The following DLG2 variants were observed in gnomAD, a reference collection of about 807,000 sequenced individuals.
DLG2 encodes discs large MAGUK scaffold protein 2, also known as disks large homolog 2.
DLG2 carries 45 observed loss-of-function variants against 132.5 expected under a neutral mutation model. The observed-to-expected ratio is 0.34, with a 90% CI of 0.27 to 0.44. The LOEUF (loss-of-function observed/expected upper bound fraction) is 0.44. Among genes scored for constraint, DLG2 ranks in the 20% least tolerant of loss-of-function variants. The pLI is 1.00. For synonymous variants in DLG2, 424 were observed against 419.6 expected (o/e 1.01, Z -0.13); for missense variants, 1,045 against 1,196.9 (o/e 0.87, Z 1.87).
intron 3 of DLG2, among the ~76,000 whole-genome samples, chr11:85,551,917 C>G (rs909438847): frequency 6.6e-6 from 1 of 151,742 alleles, no homozygotes; most frequent in African/African-American, 2.4e-5. Flanking sequence ...CAAGTCATAA[C>G]AATAAGCAGA....
intron 3 of DLG2, among the ~76,000 whole-genome samples, chr11:85,422,268 C>T (rs2090375545): frequency 6.6e-6 from 1 of 152,142 alleles, no homozygotes; most frequent in South Asian, 2.1e-4. Flanking sequence ...TTGATTATTC[C>T]TCTAAATATG....
chr11:85,168,377 A>T (rs1393901393), intron 4 of DLG2, among the ~76,000 whole-genome samples: 3 of 152,194 alleles, frequency 2.0e-5, no homozygotes, highest in Non-Finnish European at 4.4e-5. Context: ...AAATAAGTGA[A>T]ACAAGTATAT....
chr11:85,180,283 C>A (rs1230452393), intron 4 of DLG2, among the ~76,000 whole-genome samples: 1 of 151,750 alleles, frequency 6.6e-6, no homozygotes, highest in African/African-American at 2.4e-5. Context: ...TAATAGGTGA[C>A]ATTTATTCTG....
intron 9 of DLG2, among the ~76,000 whole-genome samples, chr11:84,138,748 A>T (rs2094710248): frequency 6.6e-6 from 1 of 152,152 alleles, no homozygotes; most frequent in Admixed American, 6.6e-5. Flanking sequence ...CAGGAGTTCG[A>T]GATGAGCCTG....
At chr11:84,509,877 A>G (rs1333881456) in intron 7 of DLG2, among the ~76,000 whole-genome samples, 5 of 152,058 alleles carry the variant, frequency 3.3e-5, no homozygotes, top group African/African-American at 1.2e-4. Context: ...TCAGAAGGAG[A>G]TAATTGAGAA....
At chr11:84,689,586 C>A (rs1454098800) in intron 6 of DLG2, among the ~76,000 whole-genome samples, 1 of 152,054 alleles carries the variant, frequency 6.6e-6, no homozygotes, top group Non-Finnish European at 1.5e-5. Flanking sequence ...TTGACATCAT[C>A]TTTCTTGTAA....
intron 6 of DLG2, among the ~76,000 whole-genome samples, chr11:84,871,749 A>T (rs2085494109): frequency 6.6e-6 from 1 of 152,006 alleles, no homozygotes; most frequent in South Asian, 2.1e-4. Flanking sequence ...AATGAGACAG[A>T]GTCTCCTCTA....
chr11:84,208,936 T>C (rs2096714245), intron 8 of DLG2, among the ~76,000 whole-genome samples: 1 of 152,158 alleles, frequency 6.6e-6, no homozygotes. Flanking sequence ...AACTGGAGTA[T>C]AGTCAGAGAC....
At chr11:85,365,891 C>T (rs766520748) in intron 3 of DLG2, among the ~76,000 whole-genome samples, 8 of 152,042 alleles carry the variant, frequency 5.3e-5, no homozygotes, top group Non-Finnish European at 8.8e-5. Flanking sequence ...AATGAGAACA[C>T]GTGGACACAG....
intron 17 of DLG2, among the ~76,000 whole-genome samples, chr11:83,823,673 A>G (rs1400314): frequency 0.41 from 61,292 of 150,216 alleles, 13,570 homozygotes; most frequent in Middle Eastern, 0.61. Context: ...TCATTCATTC[A>G]TTCGTTCATT....
chr11:83,537,472 C>A (rs1418429199), intron 20 of DLG2, among the ~76,000 whole-genome samples: 1 of 152,062 alleles, frequency 6.6e-6, no homozygotes, highest in Non-Finnish European at 1.5e-5. Flanking sequence ...CATCTGAGAG[C>A]CCAAGTGACC....
chr11:84,693,140 C>A (rs1330140109), intron 6 of DLG2, among the ~76,000 whole-genome samples: 1 of 151,718 alleles, frequency 6.6e-6, no homozygotes. Context: ...CGTAAGTATT[C>A]ACTTAGTCAC....
At chr11:83,486,145 A>C (rs113298631) in intron 21 of DLG2, 15 of 615,136 alleles carry the variant, frequency 2.4e-5, no homozygotes, top group African/African-American at 1.5e-4. Context: ...AACTGCCCCC[A>C]AATTTTCCTA....
Position 83,485,066 on chromosome 11 carries a change from ATTAAC to A in DLG2, c.2194-843_2194-839del, listed in dbSNP as rs538911673. Among the ~76,000 whole-genome samples, 152 of 152,276 alleles carry A rather than the reference ATTAAC, an allele frequency of 1.0e-3. 1 individual carries two copies. The highest frequency in any genetic ancestry group is 3.1e-3 in the Admixed American group (48 of 15,284). ...GCTGCTAAAGGGGTATTAACTTGAT[ATTAAC>A]TTAACTTATCAAAGGAAAAATGGCA... On this transcript the variant is annotated intron_variant, in intron 21 of 27. Transcript: ENST00000376104.
At chr11:84,437,393 C>T (rs557928289) in intron 7 of DLG2, 1 of 152,310 alleles carries the variant, frequency 6.6e-6, no homozygotes, top group African/African-American at 2.4e-5. Flanking sequence ...CATACCTTCT[C>T]TGATTTCGCC....
chr11:83,929,060 G>A lies in DLG2; in HGVS notation c.1496+1268C>T, dbSNP rs1242082886. The stretch of plus-strand genomic sequence containing the variant: ...ATAAAGTATTCTGAAATATTAGTTA[G>A]ACTTTAATTATTGCAAATTAATAAA... On this transcript the variant is annotated intron_variant, in intron 15 of 27. Coordinates refer to ENST00000376104, the MANE Select transcript of DLG2 (RefSeq NM_001142699.3). Among the ~76,000 whole-genome samples, 8 of 145,818 alleles carry A rather than the reference G, an allele frequency of 5.5e-5. No homozygotes were observed. In the South Asian group the frequency reaches 1.3e-3, roughly 23 times the overall value.
At chr11:84,223,929 T>G (rs1451619771) in intron 8 of DLG2, among the ~76,000 whole-genome samples, 1 of 152,168 alleles carries the variant, frequency 6.6e-6, no homozygotes, top group African/African-American at 2.4e-5. Context: ...CTGGCACACA[T>G]GCTTATATTA....
chr11:83,844,470 C>T (rs932283625), intron 16 of DLG2, among the ~76,000 whole-genome samples: 1 of 137,396 alleles, frequency 7.3e-6, no homozygotes, highest in Non-Finnish European at 1.5e-5. Context: ...ATTGCTTGAA[C>T]CTGGGAGGCG....
rs766572677 is a variant in DLG2, at chr11:84,534,734, A to G, written c.358-3T>C. 1 of 1,613,972 alleles carries G rather than the reference A, an allele frequency of 6.2e-7. No individual in the cohort carries two copies. Among genetic ancestry groups the G allele is most frequent in the South Asian group, 1.1e-5 (1 of 91,084 alleles). ...TCCTCATCTTGATATCGATACTTCT[A>G]GGAGAAAAGAAAAGAAAGGACAAGT... On this transcript the variant is annotated splice_region_variant and splice_polypyrimidine_tract_variant and intron_variant, in intron 6 of 27. Transcript: ENST00000376104.
Sources: gnomAD v4.1 joint callset for allele counts (sites outside exome capture counted in the v4.1 genomes callset) on GRCh38, gnomAD v4.1.1 for gene constraint, MANE v1.5 for transcripts, NCBI Gene and HGNC (gene_info 2026-07-23, HGNC 2026-07-21) for gene names.